NT5DC3: variants seen among roughly 807,000 people sequenced by gnomAD.
The protein encoded by NT5DC3 is 5'-nucleotidase domain containing 3.
Under a neutral mutation model 67.8 loss-of-function variants are expected in NT5DC3, and 42 were observed. That is an observed-to-expected ratio of 0.62 (90% CI 0.48 to 0.80). NT5DC3 has a LOEUF of 0.80. NT5DC3 is among the 30% of genes least tolerant of loss of function. NT5DC3 has a pLI of 0.00. For synonymous variants in NT5DC3, 237 were observed against 255.6 expected (o/e 0.93, Z 0.69); for missense variants, 570 against 696.4 (o/e 0.82, Z 2.04).
At chr12:103,815,182 T>C in intron 1 of NT5DC3, 61 bp from the exon 2 acceptor site, 2 of 1,119,316 alleles carry the variant, frequency 1.8e-6, no homozygotes, top group Non-Finnish European at 2.5e-6. Context: ...GTATGATTCC[T>C]AAAGAAAAAA....
the NT5DC3 span, among the ~76,000 whole-genome samples, chr12:103,756,926 G>A: frequency 2.0e-5 from 3 of 148,516 alleles, no homozygotes; most frequent in Non-Finnish European, 4.4e-5. Context: ...AAGAAAAGAC[G>A]GTGTCAGAAC....
chr12:103,817,053 A>G (rs1282857437), intron 1 of NT5DC3, among the ~76,000 whole-genome samples: 1 of 119,686 alleles, frequency 8.4e-6, no homozygotes, highest in Non-Finnish European at 1.9e-5. Context: ...AAAAAAAAAG[A>G]AAGAAAGCTA....
At chr12:103,794,068 G>A (rs1318774578) in intron 6 of NT5DC3, 71 bp from the exon 7 acceptor site, 1 of 1,165,632 alleles carries the variant, frequency 8.6e-7, no homozygotes, top group South Asian at 1.2e-5. Context: ...CAAGTGAAAT[G>A]GCAGTCATGG....
At chr12:103,756,682 C>G in the NT5DC3 span, among the ~76,000 whole-genome samples, 1 of 152,092 alleles carries the variant, frequency 6.6e-6, no homozygotes, top group Admixed American at 6.5e-5. Context: ...GCCACTGTTC[C>G]GAGTAGAATC....
chr12:103,763,258 T>C, the NT5DC3 span: 7 of 519,964 alleles, frequency 1.3e-5, no homozygotes, highest in East Asian at 2.4e-4. Flanking sequence ...GGTATGGAAA[T>C]GCCCTATGTG....
chr12:103,785,633 C>T (rs912428936), intron 11 of NT5DC3, 158 bp from the exon 12 acceptor site: 8 of 781,138 alleles, frequency 1.0e-5, no homozygotes, highest in Non-Finnish European at 1.5e-5. Flanking sequence ...TTAATTAAAA[C>T]CTATTTGGCC....
intron 1 of NT5DC3, among the ~76,000 whole-genome samples, chr12:103,826,983 C>T (rs1887723260): frequency 6.6e-6 from 1 of 152,182 alleles, no homozygotes; most frequent in African/African-American, 2.4e-5. Flanking sequence ...GTGGCTCATG[C>T]CTGTAATCCC....
intron 9 of NT5DC3, among the ~76,000 whole-genome samples, chr12:103,791,980 G>A (rs1488982374): frequency 2.6e-5 from 4 of 152,208 alleles, no homozygotes; most frequent in Non-Finnish European, 4.4e-5. Flanking sequence ...TGGGGACCCT[G>A]TGCCATAGGA....
In NT5DC3 at chr12:103,839,350, G is replaced by A. The variant is rs146176154; in HGVS notation, c.208+1599C>T. 2.1e-3 allele frequency among the ~76,000 whole-genome samples: 320 copies of A among 152,202 alleles called. 2 individuals are homozygous for A. The highest frequency in any genetic ancestry group is 7.1e-3 in the African/African-American group (296 of 41,514). On this transcript the variant is annotated intron_variant, in intron 1 of 13. Transcript: ENST00000392876. ...CAGTCTCAACCTTCCAGGCTCAAGC[G>A]ATCCTCCCCAACTCAAGCCTCCCAA...
At chr12:103,768,897 G>T (rs1252622948), downstream of NT5DC3, 2 of 152,018 alleles carry the variant, frequency 1.3e-5, no homozygotes. Context: ...AGACCCAGAA[G>T]AGGGCAGCCT....
At chr12:103,794,049 G>T in intron 6 of NT5DC3, 52 bp from the exon 7 acceptor site, 1 of 1,398,632 alleles carries the variant, frequency 7.1e-7, no homozygotes, top group Non-Finnish European at 1.0e-6. Flanking sequence ...GATAGCCTGA[G>T]TAACAGTACA....
the NT5DC3 span, among the ~76,000 whole-genome samples, chr12:103,754,332 T>C: frequency 6.6e-6 from 1 of 152,188 alleles, no homozygotes; most frequent in East Asian, 1.9e-4. Context: ...ATTTTTAAGA[T>C]TATTAAAAGA....
At chr12:103,815,533 C>T (rs1389144363) in intron 1 of NT5DC3, among the ~76,000 whole-genome samples, 3 of 152,220 alleles carry the variant, frequency 2.0e-5, no homozygotes, top group East Asian at 3.9e-4. Flanking sequence ...GCAATCCACC[C>T]AACTCAGCTT....
chr12:103,813,389 C>CCT (rs1414474166), intron 2 of NT5DC3, among the ~76,000 whole-genome samples: 1 of 152,192 alleles, frequency 6.6e-6, no homozygotes, highest in Non-Finnish European at 1.5e-5. Flanking sequence ...GGTTTTACAT[C>CCT]TAGTAAAGTG....
At chr12:103,820,346 TTTG>T (rs1437872764) in intron 1 of NT5DC3, among the ~76,000 whole-genome samples, 3 of 152,184 alleles carry the variant, frequency 2.0e-5, no homozygotes, top group African/African-American at 7.2e-5. Context: ...GCTGCTCCAT[TTTG>T]TTTTGCTTTT....
intron 4 of NT5DC3, chr12:103,802,033 A>G (rs1268906374): frequency 6.6e-6 from 1 of 152,208 alleles, no homozygotes; most frequent in African/African-American, 2.4e-5. Flanking sequence ...GCACCCAGGA[A>G]GCGTGAGTGA....
intron 5 of NT5DC3, among the ~76,000 whole-genome samples, chr12:103,797,661 G>A (rs1327336673): frequency 2.6e-5 from 4 of 152,006 alleles, no homozygotes; most frequent in Non-Finnish European, 5.9e-5. Flanking sequence ...AAACACAGAG[G>A]AAAGCCAGCA....
At chr12:103,828,652 C>T (rs955058237) in intron 1 of NT5DC3, among the ~76,000 whole-genome samples, 3 of 152,002 alleles carry the variant, frequency 2.0e-5, no homozygotes, top group Non-Finnish European at 4.4e-5. Context: ...GACATTACCA[C>T]TACCCAGATT....
intron 2 of NT5DC3, among the ~76,000 whole-genome samples, chr12:103,814,659 T>C (rs1207687376): frequency 6.6e-6 from 1 of 152,222 alleles, no homozygotes; most frequent in African/African-American, 2.4e-5. Flanking sequence ...GGAGACACCG[T>C]GTCATTCTGT....
Sources: gnomAD v4.1 joint callset for allele counts (sites outside exome capture counted in the v4.1 genomes callset) on GRCh38, gnomAD v4.1.1 for gene constraint, MANE v1.5 for transcripts, NCBI Gene and HGNC (gene_info 2026-07-23, HGNC 2026-07-21) for gene names.